The following GIGYF2 variants were observed in gnomAD, a reference collection of about 807,000 sequenced individuals.
The protein encoded by GIGYF2 is GRB10 interacting GYF protein 2, also known as GRB10-interacting GYF protein 2.
In GIGYF2, 25 loss-of-function variants were observed where a neutral mutation model predicts 208.1. The ratio of observed to expected loss-of-function variants is 0.12; its 90% CI spans 0.09 to 0.17. The LOEUF is 0.17. Among genes scored for constraint, GIGYF2 ranks in the 10% least tolerant of loss-of-function variants. The probability of loss-of-function intolerance (pLI) is 1.00; values close to 1 mark genes in which losing one functional copy is unlikely to be tolerated. For synonymous variants in GIGYF2, 534 were observed against 543.8 expected (o/e 0.98, Z 0.25); for missense variants, 1,302 against 1,579.4 (o/e 0.82, Z 2.98).
chr2:232,726,119 C>T lies in GIGYF2; in HGVS notation c.-43-9036C>T, dbSNP rs564114586. 5.3e-5 allele frequency among the ~76,000 whole-genome samples: 8 copies of T among 152,258 alleles called. No individual in the cohort carries two copies. In the East Asian group the frequency reaches 1.3e-3, roughly 26 times the overall value. ...CCACACCTGTAATCCACCTGTAATC[C>T]ACCACTTTGGGAAGCCAAGGCGGGT... On this transcript the variant is annotated intron_variant, in intron 2 of 28. Transcript: ENST00000373563.
chr2:232,770,931 T>TA, intron 8 of GIGYF2: 1 of 1,613,826 alleles, frequency 6.2e-7, no homozygotes, highest in African/African-American at 1.3e-5. Flanking sequence ...GCATGAGGCC[T>TA]AGGAGCATTT....
At chr2:232,782,270 C>G (rs1005322979) in intron 8 of GIGYF2, among the ~76,000 whole-genome samples, 1 of 151,832 alleles carries the variant, frequency 6.6e-6, no homozygotes, top group Non-Finnish European at 1.5e-5. Context: ...ACCATGTTGC[C>G]CAGTCTGGTT....
chr2:232,850,102 G>A (rs1690257723), intron 27 of GIGYF2, among the ~76,000 whole-genome samples, 160 bp from the exon 28 acceptor site: 1 of 152,276 alleles, frequency 6.6e-6, no homozygotes, highest in South Asian at 2.1e-4. Flanking sequence ...GTGGCTCAGT[G>A]GCCGCTCTTG....
At chr2:232,852,557 A>G (rs1265738210) in intron 28 of GIGYF2, among the ~76,000 whole-genome samples, 6 of 151,542 alleles carry the variant, frequency 4.0e-5, no homozygotes, top group Admixed American at 1.3e-4. Flanking sequence ...CAAAAAAATA[A>G]TAATTTAAAA....
At chr2:232,848,658 C>A (rs577340331) in intron 27 of GIGYF2, among the ~76,000 whole-genome samples, 1 of 146,174 alleles carries the variant, frequency 6.8e-6, no homozygotes, top group African/African-American at 2.4e-5. Context: ...AAAGTGAAAT[C>A]ATTAACAAAA....
At chr2:232,825,633 G>A (rs1400459068) in intron 21 of GIGYF2, among the ~76,000 whole-genome samples, 4 of 152,066 alleles carry the variant, frequency 2.6e-5, no homozygotes, top group African/African-American at 7.2e-5. Flanking sequence ...TGAAGATGTC[G>A]CGAACATTGT....
chr2:232,791,079 C>T lies in GIGYF2; in HGVS notation c.1002C>T (p.Cys334=). The change falls in exon 11 of 29, where the codon TGC becomes TGT. Residue 334 remains cysteine (C), a synonymous_variant. Coordinates refer to ENST00000373563, the MANE Select transcript of GIGYF2 (RefSeq NM_001103146.3). ...DFRPVDEGEE[C]SDSEGSHNEE... ...GGCCTGTGGACGAAGGGGAGGAGTG[C>T]TCTGACTCTGAGGGTAGCCATAATG... The T allele has an allele frequency of 1.2e-6, 2 of 1,613,854 alleles. No homozygotes were observed. Among genetic ancestry groups the T allele is most frequent in the Non-Finnish European group, 1.7e-6 (2 of 1,179,828 alleles).
At chr2:232,837,633 A>G (rs982594240) in intron 22 of GIGYF2, among the ~76,000 whole-genome samples, 1 of 149,516 alleles carries the variant, frequency 6.7e-6, no homozygotes, top group Non-Finnish European at 1.5e-5. Flanking sequence ...TTTTTTTTTT[A>G]TTTTTAGTAG....
chr2:232,720,398 CAT>C (rs1435622567), intron 2 of GIGYF2, among the ~76,000 whole-genome samples: 1 of 152,084 alleles, frequency 6.6e-6, no homozygotes, highest in Non-Finnish European at 1.5e-5. Flanking sequence ...CTACAATAAA[CAT>C]ATGTGTGCAT....
At chr2:232,721,724 T>C (rs919508506) in intron 2 of GIGYF2, among the ~76,000 whole-genome samples, 1 of 152,188 alleles carries the variant, frequency 6.6e-6, no homozygotes, top group South Asian at 2.1e-4. Context: ...TGTTTGACAA[T>C]GCATCTCTCT....
intron 2 of GIGYF2, among the ~76,000 whole-genome samples, chr2:232,703,711 T>C (rs1014751139): frequency 1.3e-4 from 20 of 152,188 alleles, no homozygotes; most frequent in African/African-American, 4.3e-4. Flanking sequence ...GTCATAATAA[T>C]TTTTTGTTGG....
intron 6 of GIGYF2, among the ~76,000 whole-genome samples, chr2:232,757,357 T>C (rs1361035901): frequency 6.6e-6 from 1 of 151,878 alleles, no homozygotes; most frequent in African/African-American, 2.4e-5. Context: ...CTTTAGAGAA[T>C]ATTTTTTTTT....
rs535754694 is a variant in GIGYF2 at position 232,843,266 on chromosome 2, A to C, written c.2890-780A>C. On this transcript the variant is annotated intron_variant, in intron 23 of 28. Coordinates refer to ENST00000373563, the MANE Select transcript of GIGYF2 (RefSeq NM_001103146.3). ...TAACCAAAAGCCTACTTAATTTTTA[A>C]GAAGTAATTCTGGCCAGGCTCGGTG... 2.0e-5 allele frequency among the ~76,000 whole-genome samples: 3 copies of C among 151,926 alleles called. No homozygotes were observed. The South Asian group carries it at 6.3e-4, about 32-fold the overall frequency.
intron 2 of GIGYF2, among the ~76,000 whole-genome samples, chr2:232,711,517 G>C (rs1397064291): frequency 6.6e-6 from 1 of 151,122 alleles, no homozygotes; most frequent in Non-Finnish European, 1.5e-5. Context: ...TTTTTAATAT[G>C]ACATACCTAT....
intron 21 of GIGYF2, among the ~76,000 whole-genome samples, chr2:232,821,938 TA>T (rs1461033027): frequency 9.8e-5 from 13 of 133,054 alleles, no homozygotes; most frequent in Non-Finnish European, 1.6e-4. Flanking sequence ...ATTGTATAAA[TA>T]TTTTTTTTTT....
At chr2:232,820,581 TG>T (rs758205840) in intron 21 of GIGYF2, among the ~76,000 whole-genome samples, 1 of 151,964 alleles carries the variant, frequency 6.6e-6, no homozygotes, top group Non-Finnish European at 1.5e-5. Flanking sequence ...CCCAAAGTGC[TG>T]GGATTACAGG....
chr2:232,788,484 G>A (rs1343100284), intron 9 of GIGYF2: 16 of 434,768 alleles, frequency 3.7e-5, no homozygotes, highest in Admixed American at 5.0e-5. Context: ...GAGCTTGTCC[G>A]TAGGCAGAGG....
In GIGYF2 at chr2:232,757,281, G is replaced by C. The variant is rs536472217; in HGVS notation, c.379+947G>C. ...CCAGGTGTGAAGTGTCTGATTAAAA[G>C]TCTCCACTTGTTTTGCTAGGTACTA... On this transcript the variant is annotated intron_variant, in intron 6 of 28. Coordinates refer to ENST00000373563, the MANE Select transcript of GIGYF2 (RefSeq NM_001103146.3). 2.6e-5 allele frequency among the ~76,000 whole-genome samples: 4 copies of C among 152,200 alleles called. No homozygotes were observed. In the East Asian group the frequency reaches 7.7e-4, roughly 29 times the overall value.
chr2:232,769,783 A>G (rs1047740913), intron 8 of GIGYF2, among the ~76,000 whole-genome samples: 1 of 152,230 alleles, frequency 6.6e-6, no homozygotes. Flanking sequence ...AAAGTAAAAT[A>G]TAAAAGAAAC....
Sources: gnomAD v4.1 joint callset for allele counts (sites outside exome capture counted in the v4.1 genomes callset) on GRCh38, gnomAD v4.1.1 for gene constraint, MANE v1.5 for transcripts, NCBI Gene and HGNC (gene_info 2026-07-23, HGNC 2026-07-21) for gene names.